Variants in HMCN1 observed in about 807,000 individuals in gnomAD.
HMCN1 encodes hemicentin-1.
HMCN1 carries 321 observed loss-of-function variants against 625.9 expected under a neutral mutation model. The observed-to-expected ratio is 0.51, with a 90% CI of 0.47 to 0.56. The LOEUF is 0.56. HMCN1 is among the 20% of genes least tolerant of loss of function. The probability of loss-of-function intolerance (pLI) is 0.00; values close to 1 mark genes in which losing one functional copy is unlikely to be tolerated. For synonymous variants in HMCN1, 2,425 were observed against 2,417.6 expected, an observed-to-expected ratio of 1.00 and a Z score of -0.09; for missense variants, 6,588 against 6,887.3, an observed-to-expected ratio of 0.96 and a Z score of 1.54.
In HMCN1 at chr1:186,003,584, ATTG is replaced by A. The variant is rs1041722951; in HGVS notation, c.4349-129_4349-127del. ...GTACACAGAAATGATATGAAAAAGT[ATTG>A]TTGTGTGGTATTTTATTTTTGACAT... On this transcript the variant is annotated intron_variant, in intron 28 of 106. Coordinates refer to ENST00000271588, the MANE Select transcript of HMCN1 (RefSeq NM_031935.3). 38 of 796,410 alleles carry A rather than the reference ATTG, an allele frequency of 4.8e-5. 1 individual carries two copies. Among genetic ancestry groups the A allele is most frequent in the East Asian group, 5.1e-5 (2 of 38,836 alleles). The allele number at this position is 796,410 out of a possible 1,614,324, so 49.3% of individuals were successfully genotyped here.
At chr1:185,956,868 C>T (rs1223596080) in intron 11 of HMCN1, among the ~76,000 whole-genome samples, 1 of 152,204 alleles carries the variant, frequency 6.6e-6, no homozygotes, top group African/African-American at 2.4e-5. Context: ...TACTGAGATT[C>T]CAAGGATTTT....
chr1:185,954,258 C>T (rs1649456724), intron 11 of HMCN1, among the ~76,000 whole-genome samples: 1 of 152,096 alleles, frequency 6.6e-6, no homozygotes, highest in Admixed American at 6.6e-5. Context: ...ATAACAGTTC[C>T]TATTATGTTT....
chr1:185,989,785 T>C lies in HMCN1; in HGVS notation c.3208+138T>C. 6 of 858,068 alleles carry C rather than the reference T, an allele frequency of 7.0e-6. No individual in the cohort carries two copies. The South Asian group carries it at 1.1e-4, about 15-fold the overall frequency. The allele number at this position is 858,068 out of a possible 1,614,324, so 53.2% of individuals were successfully genotyped here. A position where few individuals can be genotyped will look rare whatever the true frequency, so the allele number is the denominator to read the frequency against. ...CCCCAGATTTCTATTTTTTTTTTTT[T>C]TTTTTTTTACAGAAATGCATTTTTT... On this transcript the variant is annotated intron_variant, in intron 21 of 106. Transcript: ENST00000271588.
chr1:186,021,513 G>A (rs528172952), intron 35 of HMCN1, among the ~76,000 whole-genome samples: 56 of 152,106 alleles, frequency 3.7e-4, no homozygotes, highest in African/African-American at 1.3e-3. Context: ...AGGGTAAGAT[G>A]AAAAAGAAGA....
Position 186,117,457 on chromosome 1 carries a change from A to C in HMCN1, c.11684-2A>C, listed in dbSNP as rs768537536. The C allele has an allele frequency of 3.7e-6, 6 of 1,613,360 alleles. No individual in the cohort carries two copies. Among genetic ancestry groups the C allele is most frequent in the South Asian group, 2.2e-5 (2 of 91,070 alleles). On this transcript the variant is annotated splice_acceptor_variant, in intron 76 of 106. Coordinates refer to ENST00000271588, the MANE Select transcript of HMCN1 (RefSeq NM_031935.3). LOFTEE classifies it high-confidence loss of function. ...CCCTTTTTGTTGTTGTTGTTGTTTT[A>C]GTTCCACCTTCCATAGCTGATGAGC... is the stretch of plus-strand genomic sequence containing the variant.
chr1:186,138,063 A>T, intron 89 of HMCN1, 91 bp downstream of exon 89: 3 of 1,378,078 alleles, frequency 2.2e-6, no homozygotes. Context: ...TCTTCATTGT[A>T]AAAAGATGTT....
chr1:185,851,461 T>C (rs1662157017), intron 2 of HMCN1, among the ~76,000 whole-genome samples: 1 of 152,126 alleles, frequency 6.6e-6, no homozygotes, highest in Non-Finnish European at 1.5e-5. Context: ...AAAAAATTAT[T>C]ACACTTAATT....
At chr1:185,960,781 T>A (rs1013055534) in intron 11 of HMCN1, among the ~76,000 whole-genome samples, 6 of 152,206 alleles carry the variant, frequency 3.9e-5, no homozygotes, top group African/African-American at 7.2e-5. Context: ...AGCATTTTAT[T>A]TTAGGAAGAT....
In HMCN1 at chr1:185,990,463, T is replaced by C; in HGVS notation, c.3377+20T>C. 1 of 1,610,218 alleles carries C rather than the reference T, an allele frequency of 6.2e-7. No homozygotes were observed. The highest frequency in any genetic ancestry group is 1.1e-5 in the South Asian group (1 of 91,004). ...TCCAAGGTAGGAGATCTGGGATGAATTGCAACACATGAAAACATAATCAAC... is the reference window on the plus strand; with the variant it reads ...TCCAAGGTAGGAGATCTGGGATGAACTGCAACACATGAAAACATAATCAAC... On this transcript the variant is annotated intron_variant, in intron 22 of 106. Coordinates refer to ENST00000271588, the MANE Select transcript of HMCN1 (RefSeq NM_031935.3).
intron 69 of HMCN1, 128 bp from the exon 70 acceptor site, chr1:186,106,756 G>A (rs879710517): frequency 6.8e-6 from 5 of 737,136 alleles, no homozygotes; most frequent in Admixed American, 5.5e-5. Flanking sequence ...TAATCGTAGT[G>A]TTAAACAGTT....
At chr1:186,000,559 ATGTG>A (rs68110596) in intron 26 of HMCN1, among the ~76,000 whole-genome samples, 239 of 144,710 alleles carry the variant, frequency 1.7e-3, no homozygotes, top group East Asian at 0.01. Context: ...GTGTGTGTGT[ATGTG>A]TGTGTGTGTG....
In HMCN1 at chr1:185,977,880, C is replaced by T; in HGVS notation, c.2465C>T (p.Pro822Leu). 6.2e-7 allele frequency: 1 copy of T among 1,612,862 alleles called. No individual in the cohort carries two copies. Among genetic ancestry groups the T allele is most frequent in the Non-Finnish European group, 8.5e-7 (1 of 1,179,114 alleles). The change falls in exon 16 of 107, where the codon CCA becomes CTA. Residue 822 changes from proline to leucine, a missense_variant. By Grantham distance (98) the Pro-to-Leu change is moderately conservative (BLOSUM62 -3). Around this residue, in one of 3 missense-constraint regions of HMCN1, gnomAD observed 4,628 missense variants for 4,853.1 expected, o/e 0.95. Coordinates refer to ENST00000271588, the MANE Select transcript of HMCN1 (RefSeq NM_031935.3). ...TGTTATGTTCAGGGTTATCCAGAACCAACAATCAAATGGCGAAGATTAGAC... is the reference window on the plus strand; with the variant it reads ...TGTTATGTTCAGGGTTATCCAGAACTAACAATCAAATGGCGAAGATTAGAC... ...LPCYVQGYPE[P>L]TIKWRRLDNM... is the part of the protein sequence containing the mutation.
In HMCN1 at chr1:186,174,587, T is replaced by TCGTTG; in HGVS notation, c.15889_15893dup (p.Cys5300ValfsTer51). The TCGTTG allele has an allele frequency of 6.2e-7, 1 of 1,613,948 alleles. No individual in the cohort carries two copies. Among genetic ancestry groups the TCGTTG allele is most frequent in the East Asian group, 2.2e-5 (1 of 44,858 alleles). ...TATGTGAGAATACAAGAGGCAGCTA[T>TCGTTG]CGTTGTGTATGCCCAAGAGGTTATC... is the stretch of plus-strand genomic sequence containing the variant. On this transcript the variant is annotated frameshift_variant, in exon 103 of 107. Coordinates refer to ENST00000271588, the MANE Select transcript of HMCN1 (RefSeq NM_031935.3). LOFTEE classifies it high-confidence loss of function.
chr1:186,101,571 C>T (rs1223512353), intron 68 of HMCN1, among the ~76,000 whole-genome samples: 2 of 151,912 alleles, frequency 1.3e-5, no homozygotes, highest in African/African-American at 4.8e-5. Context: ...TCTTACTCTG[C>T]CCGAAGTACA....
At chr1:186,140,761 C>T (rs910038706) in intron 89 of HMCN1, among the ~76,000 whole-genome samples, 1 of 152,012 alleles carries the variant, frequency 6.6e-6, no homozygotes, top group Non-Finnish European at 1.5e-5. Flanking sequence ...CTATTATTGA[C>T]CTCTGTCAAG....
Position 186,108,530 on chromosome 1 carries a change from T to C in HMCN1, c.10922T>C (p.Leu3641Ser). 5 of 1,614,098 alleles carry C rather than the reference T, an allele frequency of 3.1e-6. No individual in the cohort carries two copies. Among genetic ancestry groups the C allele is most frequent in the Non-Finnish European group, 4.2e-6 (5 of 1,180,010 alleles). ...ITVLRNRQVT[L>S]ECKSDAVPPP... ...GTGTTACGGAACAGACAAGTGACAT[T>C]GGAATGCAAGTCAGATGCAGTGCCC... Residue 3641 changes from leucine (L) to serine (S), a missense_variant, in exon 71 of 107, where the codon TTG becomes TCG. Transcript: ENST00000271588.
chr1:186,057,673 A>G (rs75082985), intron 46 of HMCN1, among the ~76,000 whole-genome samples: 1 of 152,152 alleles, frequency 6.6e-6, no homozygotes, highest in East Asian at 1.9e-4. Context: ...CATTCATGCT[A>G]CAGTGAGCAT....
intron 19 of HMCN1, among the ~76,000 whole-genome samples, 175 bp downstream of exon 19, chr1:185,984,488 T>C (rs1651880377): frequency 6.6e-6 from 1 of 152,230 alleles, no homozygotes; most frequent in African/African-American, 2.4e-5. Context: ...TTCCCTTTTT[T>C]ATGTACACAA....
At position 185,928,541 on chromosome 1, in the gene HMCN1, TCCA is replaced by T. The variant is rs777045204; in HGVS notation, c.1431-4_1431-2del. On this transcript the variant is annotated splice_acceptor_variant and splice_polypyrimidine_tract_variant and intron_variant, in intron 9 of 106. Coordinates refer to ENST00000271588, the MANE Select transcript of HMCN1 (RefSeq NM_031935.3). LOFTEE classifies it high-confidence loss of function. ...ACTAAAAGTTTTCCATTTTCTTACC[TCCA>T]GAGAATCTGCCAGTGTGAACTTAGA... The T allele has an allele frequency of 5.6e-6, 9 of 1,612,272 alleles. No individual in the cohort carries two copies. The highest frequency in any genetic ancestry group is 7.6e-6 in the Non-Finnish European group (9 of 1,178,598).
Sources: gnomAD v4.1 joint callset for allele counts (sites outside exome capture counted in the v4.1 genomes callset) on GRCh38, gnomAD v4.1.1 for gene constraint, gnomAD v4.1.1 regional missense constraint, MANE v1.5 for transcripts, NCBI Gene and HGNC (gene_info 2026-07-23, HGNC 2026-07-21) for gene names.